The following LDB2 variants were observed in gnomAD, a reference collection of about 807,000 sequenced individuals.
LDB2 encodes the protein LIM domain binding 2.
A neutral mutation model predicts 44.3 loss-of-function variants in LDB2; 12 were observed. The observed-to-expected ratio is 0.27, with a 90% CI of 0.17 to 0.44. The LOEUF is 0.44. Ranked by LOEUF, LDB2 falls within the 20% of genes least tolerant of loss-of-function variation. LDB2 has a pLI of 1.00. For synonymous variants in LDB2, 164 were observed against 174.8 expected (o/e 0.94, Z 0.49); for missense variants, 344 against 473.5 (o/e 0.73, Z 2.54).
At chr4:16,643,287 C>CTA (rs1735728156) in intron 2 of LDB2, among the ~76,000 whole-genome samples, 1 of 152,152 alleles carries the variant, frequency 6.6e-6, no homozygotes, top group Non-Finnish European at 1.5e-5. Context: ...ATCCTAATGC[C>CTA]ACACTCCGTT....
At chr4:16,690,866 T>C (rs1006549687) in intron 2 of LDB2, among the ~76,000 whole-genome samples, 3 of 152,178 alleles carry the variant, frequency 2.0e-5, no homozygotes, top group African/African-American at 7.2e-5. Flanking sequence ...GTATTTTTAA[T>C]ACAGTTAAAA....
intron 5 of LDB2, among the ~76,000 whole-genome samples, chr4:16,538,721 C>T (rs375032880): frequency 6.0e-4 from 91 of 152,326 alleles, no homozygotes; most frequent in Admixed American, 1.7e-3. Context: ...AAGACTGAGT[C>T]AATTGATCAG....
intron 5 of LDB2, among the ~76,000 whole-genome samples, chr4:16,517,517 T>G (rs1050280963): frequency 7.2e-5 from 11 of 152,216 alleles, no homozygotes; most frequent in African/African-American, 2.2e-4. Context: ...CTGCAACATC[T>G]GCAGCAGCCT....
At chr4:16,641,882 G>T (rs1170122112) in intron 2 of LDB2, among the ~76,000 whole-genome samples, 2 of 152,156 alleles carry the variant, frequency 1.3e-5, no homozygotes, top group African/African-American at 4.8e-5. Flanking sequence ...CAGGGCACCT[G>T]CCTTAATATG....
chr4:16,585,784 C>T (rs1716573575), intron 5 of LDB2, 138 bp downstream of exon 5: 1 of 618,318 alleles, frequency 1.6e-6, no homozygotes, highest in African/African-American at 1.8e-5. Flanking sequence ...CACACACACA[C>T]ACACATACAT....
At chr4:16,646,380 T>C (rs1369948582) in intron 2 of LDB2, among the ~76,000 whole-genome samples, 1 of 152,230 alleles carries the variant, frequency 6.6e-6, no homozygotes, top group Non-Finnish European at 1.5e-5. Flanking sequence ...TACTCCACTC[T>C]TTTAATAGGC....
chr4:16,679,296 G>T (rs528970597), intron 2 of LDB2, among the ~76,000 whole-genome samples: 9 of 152,196 alleles, frequency 5.9e-5, no homozygotes, highest in African/African-American at 1.9e-4. Flanking sequence ...AGAGAAGAAA[G>T]GAGGAGGAGA....
In LDB2 at chr4:16,824,270, A is replaced by G. The variant is rs75029094; in HGVS notation, c.133-65010T>C. On this transcript the variant is annotated intron_variant, in intron 1 of 7. Coordinates refer to ENST00000304523, the MANE Select transcript of LDB2 (RefSeq NM_001290.5). ...ACAAATGTGCTTTCATACAAAGCAG[A>G]ATAGTACAAGTTAAATATCACTAGC... Among the ~76,000 whole-genome samples, 1,129 of 152,352 alleles carry G rather than the reference A, an allele frequency of 7.4e-3. 16 individuals are homozygous for G. Among genetic ancestry groups the G allele is most frequent in the African/African-American group, 0.026 (1,069 of 41,576 alleles).
At chr4:16,897,210 T>G (rs1370155799) in intron 1 of LDB2, among the ~76,000 whole-genome samples, 1 of 152,034 alleles carries the variant, frequency 6.6e-6, no homozygotes, top group African/African-American at 2.4e-5. Flanking sequence ...CTTAATGGAG[T>G]CCCTTCCTAG....
At chr4:16,827,305 C>T (rs1482090786) in intron 1 of LDB2, among the ~76,000 whole-genome samples, 1 of 152,098 alleles carries the variant, frequency 6.6e-6, no homozygotes, top group African/African-American at 2.4e-5. Context: ...GGGCTGGATA[C>T]AGGTTGAGAT....
At chr4:16,536,196 C>T (rs1334416866) in intron 5 of LDB2, among the ~76,000 whole-genome samples, 1 of 152,188 alleles carries the variant, frequency 6.6e-6, no homozygotes, top group Admixed American at 6.5e-5. Context: ...ATGAAGGATG[C>T]CCATGTAGCT....
intron 5 of LDB2, among the ~76,000 whole-genome samples, chr4:16,517,879 G>GTGGA (rs34267672): frequency 0.012 from 1,838 of 148,754 alleles, 39 homozygotes; most frequent in Admixed American, 0.058. Flanking sequence ...TGATGAATGA[G>GTGGA]TGGATGGATG....
At chr4:16,761,209 C>T (rs1767838106) in intron 1 of LDB2, among the ~76,000 whole-genome samples, 1 of 152,182 alleles carries the variant, frequency 6.6e-6, no homozygotes, top group African/African-American at 2.4e-5. Context: ...GTAAATGTCA[C>T]TTGCTCCAGT....
chr4:16,537,692 G>A (rs1014036946), intron 5 of LDB2, among the ~76,000 whole-genome samples: 10 of 152,182 alleles, frequency 6.6e-5, no homozygotes, highest in Non-Finnish European at 2.9e-5. Context: ...GTCAATGAGG[G>A]ATCCTCTACT....
intron 5 of LDB2, among the ~76,000 whole-genome samples, chr4:16,518,769 G>T (rs560226034): frequency 6.6e-6 from 1 of 152,320 alleles, no homozygotes; most frequent in Non-Finnish European, 1.5e-5. Context: ...AGAGCTTGAG[G>T]CAGAGCATGT....
intron 1 of LDB2, among the ~76,000 whole-genome samples, chr4:16,867,246 C>T (rs189588118): frequency 5.6e-4 from 85 of 152,232 alleles, no homozygotes; most frequent in African/African-American, 1.8e-3. Flanking sequence ...AGCTAACCTG[C>T]GGAGCCCTGC....
chr4:16,504,435 T>C (rs1235857971), intron 7 of LDB2, among the ~76,000 whole-genome samples: 1 of 152,214 alleles, frequency 6.6e-6, no homozygotes, highest in East Asian at 1.9e-4. Flanking sequence ...TAAAAATGAT[T>C]TTAAAAAGAA....
At chr4:16,766,567 G>A (rs1241364540) in intron 1 of LDB2, among the ~76,000 whole-genome samples, 1 of 149,320 alleles carries the variant, frequency 6.7e-6, no homozygotes, top group East Asian at 2.0e-4. Flanking sequence ...GTGCAATGGC[G>A]CAATCTTGGC....
intron 2 of LDB2, among the ~76,000 whole-genome samples, chr4:16,637,488 C>G (rs2152504129): frequency 6.6e-6 from 1 of 152,070 alleles, no homozygotes; most frequent in Non-Finnish European, 1.5e-5. Flanking sequence ...GGAGTACCCA[C>G]TCTGAGCCAA....
Sources: gnomAD v4.1 joint callset for allele counts (sites outside exome capture counted in the v4.1 genomes callset) on GRCh38, gnomAD v4.1.1 for gene constraint, MANE v1.5 for transcripts, NCBI Gene and HGNC (gene_info 2026-07-23, HGNC 2026-07-21) for gene names.